Variants in CNTN5 observed in about 807,000 individuals in gnomAD.
CNTN5 encodes the protein contactin-5.
A neutral mutation model predicts 129.1 loss-of-function variants in CNTN5; 77 were observed. The ratio of observed to expected loss-of-function variants is 0.60; its 90% CI spans 0.50 to 0.72. CNTN5 has a LOEUF of 0.72. Ranked by LOEUF, CNTN5 falls within the 30% of genes least tolerant of loss-of-function variation. The pLI is 0.00. For missense variants in CNTN5, 1,478 were observed against 1,328.8 expected, an observed-to-expected ratio of 1.11 and a Z score of -1.75; for synonymous variants, 509 against 465.6, an observed-to-expected ratio of 1.09 and a Z score of -1.20.
At chr11:99,529,747 C>T (rs1947624287) in intron 2 of CNTN5, among the ~76,000 whole-genome samples, 2 of 150,702 alleles carry the variant, frequency 1.3e-5, no homozygotes, top group Non-Finnish European at 3.0e-5. Flanking sequence ...TTTTAGAACA[C>T]AATATAAAAA....
chr11:100,013,100 C>A (rs1940619778), intron 9 of CNTN5, among the ~76,000 whole-genome samples: 1 of 152,116 alleles, frequency 6.6e-6, no homozygotes, highest in African/African-American at 2.4e-5. Flanking sequence ...AAGAGAAATA[C>A]CACATGTTCT....
chr11:100,158,120 A>G (rs1461324715), intron 13 of CNTN5, among the ~76,000 whole-genome samples: 1 of 151,842 alleles, frequency 6.6e-6, no homozygotes, highest in Non-Finnish European at 1.5e-5. Context: ...TTGTTCTTCA[A>G]GTGCCAAGAC....
intron 2 of CNTN5, among the ~76,000 whole-genome samples, chr11:99,533,469 C>T (rs1947789777): frequency 6.6e-6 from 1 of 152,198 alleles, no homozygotes; most frequent in Non-Finnish European, 1.5e-5. Flanking sequence ...ATCTTGCCTC[C>T]TCACTTGGTT....
At chr11:100,280,001 C>T (rs958045903) in intron 18 of CNTN5, among the ~76,000 whole-genome samples, 1 of 147,954 alleles carries the variant, frequency 6.8e-6, no homozygotes, top group Admixed American at 6.8e-5. Flanking sequence ...TCTTGGTATG[C>T]TGTGATTCCA....
chr11:99,785,846 G>C (rs972322277), intron 3 of CNTN5, among the ~76,000 whole-genome samples: 1 of 152,002 alleles, frequency 6.6e-6, no homozygotes, highest in African/African-American at 2.4e-5. Context: ...GTATTGATGG[G>C]ACATATCTCA....
intron 4 of CNTN5, among the ~76,000 whole-genome samples, chr11:99,840,314 G>A (rs1391331211): frequency 6.6e-6 from 1 of 151,806 alleles, no homozygotes; most frequent in Non-Finnish European, 1.5e-5. Context: ...GCTTGTTTTT[G>A]GTAAAAAATA....
chr11:99,765,008 C>T (rs576457271), intron 3 of CNTN5, among the ~76,000 whole-genome samples: 1 of 152,110 alleles, frequency 6.6e-6, no homozygotes, highest in South Asian at 2.1e-4. Flanking sequence ...ACAATTTTCT[C>T]TGAATTTTTC....
chr11:99,695,191 G>A (rs1954217238), intron 3 of CNTN5, among the ~76,000 whole-genome samples: 1 of 151,976 alleles, frequency 6.6e-6, no homozygotes, highest in African/African-American at 2.4e-5. Context: ...CATCTAGAAT[G>A]ACTTCTTTAT....
chr11:99,830,213 A>C (rs1227671890), intron 4 of CNTN5, among the ~76,000 whole-genome samples: 1 of 152,038 alleles, frequency 6.6e-6, no homozygotes, highest in Non-Finnish European at 1.5e-5. Flanking sequence ...AGAGGAAGCA[A>C]ATTATTTTTC....
intron 17 of CNTN5, among the ~76,000 whole-genome samples, chr11:100,264,251 C>T (rs1252103000): frequency 6.6e-6 from 1 of 151,976 alleles, no homozygotes; most frequent in Non-Finnish European, 1.5e-5. Context: ...TTAAGTTCTG[C>T]AATACATGAG....
chr11:100,130,975 C>T (rs1374555774), intron 13 of CNTN5, among the ~76,000 whole-genome samples: 3 of 152,006 alleles, frequency 2.0e-5, no homozygotes, highest in Admixed American at 6.6e-5. Flanking sequence ...TGCTGTTGAT[C>T]GGTTGTTATG....
intron 2 of CNTN5, among the ~76,000 whole-genome samples, chr11:99,540,319 AT>A (rs963892600): frequency 4.9e-4 from 74 of 152,274 alleles, no homozygotes; most frequent in African/African-American, 1.7e-3. Flanking sequence ...TTTTGTTATT[AT>A]TTTCTTTGCT....
intron 2 of CNTN5, among the ~76,000 whole-genome samples, chr11:99,554,161 G>C (rs533390103): frequency 6.6e-6 from 1 of 152,138 alleles, no homozygotes; most frequent in Admixed American, 6.6e-5. Context: ...CTTATGAAAA[G>C]TGCTTCACAT....
At chr11:100,206,426 T>A (rs796415832) in intron 15 of CNTN5, among the ~76,000 whole-genome samples, 2 of 152,224 alleles carry the variant, frequency 1.3e-5, no homozygotes, top group African/African-American at 4.8e-5. Flanking sequence ...ATGACCATGA[T>A]TATTCTTGGT....
chr11:99,660,473 C>A (rs978995444), intron 3 of CNTN5, among the ~76,000 whole-genome samples: 1 of 151,976 alleles, frequency 6.6e-6, no homozygotes, highest in East Asian at 1.9e-4. Flanking sequence ...TAAATATGTG[C>A]AGTTTTATTA....
chr11:99,903,567 T>C (rs574099845), intron 6 of CNTN5, among the ~76,000 whole-genome samples: 2 of 152,116 alleles, frequency 1.3e-5, no homozygotes, highest in Non-Finnish European at 2.9e-5. Context: ...AACTGTGTCA[T>C]CTAGAGGGGC....
At chr11:99,845,364 A>ATATTTTTTTTTTTTTTT (rs1947653236) in intron 6 of CNTN5, 102 bp downstream of exon 6, 2 of 239,332 alleles carry the variant, frequency 8.4e-6, no homozygotes, top group South Asian at 2.8e-4. Flanking sequence ...AAGATCTCAA[A>ATATTTTTTTTTTTTTTT]TCTTTTTTTT....
chr11:99,884,752 G>A (rs1005433694), intron 6 of CNTN5, among the ~76,000 whole-genome samples: 1 of 152,170 alleles, frequency 6.6e-6, no homozygotes, highest in African/African-American at 2.4e-5. Flanking sequence ...TGAGGCAGGT[G>A]GATCGCCTGA....
At chr11:100,010,104 T>A (rs1189175035) in intron 9 of CNTN5, among the ~76,000 whole-genome samples, 2 of 152,114 alleles carry the variant, frequency 1.3e-5, no homozygotes, top group African/African-American at 4.8e-5. Flanking sequence ...CAAGGGACAA[T>A]GCAAGCAAGG....
Sources: allele counts gnomAD v4.1 joint callset (sites outside exome capture counted in the v4.1 genomes callset), GRCh38; gene constraint gnomAD v4.1.1; transcripts MANE v1.5; gene names NCBI Gene and HGNC (gene_info 2026-07-23, HGNC 2026-07-21).